TANC2: variants seen among roughly 807,000 people sequenced by gnomAD.
TANC2 encodes tetratricopeptide repeat, ankyrin repeat and coiled-coil containing 2.
TANC2 carries 26 observed loss-of-function variants against 210.5 expected under a neutral mutation model. The ratio of observed to expected loss-of-function variants is 0.12; its 90% CI spans 0.09 to 0.17. The LOEUF is 0.17. Among genes scored for constraint, TANC2 ranks in the 10% least tolerant of loss-of-function variants. The pLI is 1.00. For synonymous variants in TANC2, 931 were observed against 967.1 expected, an observed-to-expected ratio of 0.96 and a Z score of 0.69; for missense variants, 2,129 against 2,608.9, an observed-to-expected ratio of 0.82 and a Z score of 4.01.
intron 12 of TANC2, among the ~76,000 whole-genome samples, chr17:63,343,387 A>G (rs1410193813): frequency 6.6e-6 from 1 of 152,264 alleles, no homozygotes; most frequent in Non-Finnish European, 1.5e-5. Context: ...CATCAGGAAC[A>G]TGTATTAGAT....
intron 9 of TANC2, among the ~76,000 whole-genome samples, chr17:63,305,859 T>G (rs1322622083): frequency 6.6e-6 from 1 of 152,216 alleles, no homozygotes; most frequent in Non-Finnish European, 1.5e-5. Flanking sequence ...AGGAACTGGA[T>G]TGGAGCAGTT....
intron 14 of TANC2, among the ~76,000 whole-genome samples, chr17:63,366,849 TACTG>T (rs760194335): frequency 6.6e-6 from 1 of 152,226 alleles, no homozygotes; most frequent in Admixed American, 6.5e-5. Flanking sequence ...CCGAAGCAGT[TACTG>T]ACTGTTAAGT....
At chr17:63,064,592 A>G (rs8071332) in intron 2 of TANC2, among the ~76,000 whole-genome samples, 34,865 of 152,078 alleles carry the variant, frequency 0.23, 4,124 homozygotes, top group Middle Eastern at 0.26. Context: ...GTCCTATTCA[A>G]TGATAAACTC....
intron 2 of TANC2, among the ~76,000 whole-genome samples, chr17:63,038,594 A>AATTTG (rs1407876776): frequency 6.6e-6 from 1 of 151,998 alleles, no homozygotes; most frequent in African/African-American, 2.4e-5. Context: ...AGAATTTGTT[A>AATTTG]TTTCTTTAAA....
chr17:63,330,148 C>A (rs1164091985), intron 11 of TANC2, among the ~76,000 whole-genome samples: 2 of 152,138 alleles, frequency 1.3e-5, no homozygotes, highest in African/African-American at 4.8e-5. Context: ...AAAGCCTAAT[C>A]CAGAGTAAGG....
At chr17:63,258,623 G>A (rs1334473917) in intron 8 of TANC2, among the ~76,000 whole-genome samples, 1 of 152,100 alleles carries the variant, frequency 6.6e-6, no homozygotes, top group Non-Finnish European at 1.5e-5. Flanking sequence ...CAACACCCCA[G>A]GCCCATGGCA....
intron 1 of TANC2, among the ~76,000 whole-genome samples, chr17:63,008,384 C>G (rs1162646683): frequency 6.6e-6 from 1 of 152,042 alleles, no homozygotes; most frequent in Non-Finnish European, 1.5e-5. Flanking sequence ...CTTTATCTCT[C>G]TATGCTTTGG....
At chr17:63,221,442 CAAAA>C (rs755699051) in intron 7 of TANC2, among the ~76,000 whole-genome samples, 2 of 87,512 alleles carry the variant, frequency 2.3e-5, no homozygotes, top group Non-Finnish European at 4.5e-5. Context: ...GACTCCATCT[CAAAA>C]AAAAAAAAAA....
chr17:63,413,693 A>G, intron 25 of TANC2, 59 bp downstream of exon 25: 1 of 1,431,970 alleles, frequency 7.0e-7, no homozygotes. Flanking sequence ...TTCCATGTGT[A>G]GAATCTTACA....
In TANC2 at chr17:63,025,007, T is replaced by C. The variant is rs147387431; in HGVS notation, c.67+15381T>C. 2.5e-4 allele frequency among the ~76,000 whole-genome samples: 38 copies of C among 152,346 alleles called. No homozygotes were observed. The East Asian group carries it at 6.9e-3, about 28-fold the overall frequency. ...GAGTTGAGAAATACTTTGAGAAATT[T>C]GTGTAAGTTTTTGCTCTTTGATTTT... is the stretch of plus-strand genomic sequence containing the variant. On this transcript the variant is annotated intron_variant, in intron 2 of 27. Transcript: ENST00000689528.
chr17:63,016,235 CATT>C (rs1342219434), intron 2 of TANC2, among the ~76,000 whole-genome samples: 2 of 152,110 alleles, frequency 1.3e-5, no homozygotes, highest in Admixed American at 1.3e-4. Context: ...TTTTAAACCA[CATT>C]ATTATATGTT....
intron 19 of TANC2, among the ~76,000 whole-genome samples, chr17:63,402,676 G>A (rs1032533277): frequency 1.7e-4 from 26 of 152,228 alleles, no homozygotes; most frequent in Middle Eastern, 3.4e-3. Context: ...GATGTTTCCC[G>A]TTGAAAAAAG....
intron 5 of TANC2, chr17:63,154,657 A>T (rs1418596825): frequency 6.6e-6 from 1 of 152,134 alleles, no homozygotes; most frequent in Non-Finnish European, 1.5e-5. Flanking sequence ...CTTGGCTCAT[A>T]GTCAGTGCTC....
chr17:63,059,718 T>C (rs771813851), intron 2 of TANC2, among the ~76,000 whole-genome samples: 31 of 152,212 alleles, frequency 2.0e-4, no homozygotes, highest in Non-Finnish European at 4.4e-4. Context: ...TTAAACATTT[T>C]ATGATCTCCT....
At chr17:63,124,594 A>G (rs2038632371) in intron 4 of TANC2, among the ~76,000 whole-genome samples, 1 of 152,212 alleles carries the variant, frequency 6.6e-6, no homozygotes. Context: ...CTTACAGTCA[A>G]ATACACTTCT....
intron 14 of TANC2, among the ~76,000 whole-genome samples, chr17:63,366,606 A>G (rs2047117403): frequency 6.6e-6 from 1 of 152,244 alleles, no homozygotes; most frequent in African/African-American, 2.4e-5. Flanking sequence ...CAGAACAGAA[A>G]GGCAGTAGGA....
At chr17:63,391,960 C>T (rs1202231554) in intron 17 of TANC2, among the ~76,000 whole-genome samples, 1 of 152,154 alleles carries the variant, frequency 6.6e-6, no homozygotes, top group Non-Finnish European at 1.5e-5. Flanking sequence ...CTCCTGACCT[C>T]AGGTGATCCA....
intron 2 of TANC2, among the ~76,000 whole-genome samples, chr17:63,063,634 G>GAGATACA (rs1441189476): frequency 7.1e-6 from 1 of 140,618 alleles, no homozygotes; most frequent in East Asian, 2.0e-4. Flanking sequence ...TGTGTGTGTA[G>GAGATACA]AGATACATCT....
chr17:63,418,471 G>T lies in TANC2; in HGVS notation c.4268+64G>T, dbSNP rs1025226721. On this transcript the variant is annotated intron_variant, in intron 27 of 27. Transcript: ENST00000689528. This position sits in a 1 kb window ranked among gnomAD's most constrained non-coding sequence, Gnocchi z 4.6. ...TTTCTGAAAATTTGGCCAAGGCAGCGTCGGCCACCCTGGGGCATATGTACC... is the reference window on the plus strand; with the variant it reads ...TTTCTGAAAATTTGGCCAAGGCAGCTTCGGCCACCCTGGGGCATATGTACC... 6.8e-7 allele frequency: 1 copy of T among 1,461,910 alleles called. No individual in the cohort carries two copies. The allele number at this position is 1,461,910 out of a possible 1,614,324, so 90.6% of individuals were successfully genotyped here.
Sources: gnomAD v4.1 joint callset for allele counts (sites outside exome capture counted in the v4.1 genomes callset) on GRCh38, gnomAD v4.1.1 for gene constraint, Gnocchi (gnomAD v3.1) non-coding constraint, MANE v1.5 for transcripts, NCBI Gene and HGNC (gene_info 2026-07-23, HGNC 2026-07-21) for gene names.